Variants in SDCCAG8 observed in about 807,000 individuals in gnomAD.
SDCCAG8 encodes serologically defined colon cancer antigen 8.
Under a neutral mutation model 101.8 loss-of-function variants are expected in SDCCAG8, and 74 were observed. The observed-to-expected ratio is 0.73, with a 90% CI of 0.60 to 0.88. The LOEUF is 0.88. Ranked by LOEUF, SDCCAG8 falls within the 40% of genes least tolerant of loss-of-function variation. SDCCAG8 has a pLI of 0.00. For missense variants in SDCCAG8, 787 were observed against 822.6 expected (o/e 0.96, Z 0.53); for synonymous variants, 281 against 292.9 (o/e 0.96, Z 0.41).
At position 243,270,175 on chromosome 1, in the gene SDCCAG8, T is replaced by C. The variant is rs2149263076; in HGVS notation, c.138T>C (p.Asp46=). The change falls in exon 2 of 18, where the codon GAT becomes GAC. Residue 46 remains aspartate, a synonymous_variant. Transcript: ENST00000366541. ...LKEGDVTIGE[D]APNLSFSTSV... ...AAGGCGATGTCACTATTGGAGAAGA[T>C]GCACCAAATCTTTCTTTTAGCACCA... The C allele has an allele frequency of 6.2e-7, 1 of 1,614,246 alleles. No individual in the cohort carries two copies.
intron 1 of SDCCAG8, chr1:243,267,894 TA>T: frequency 8.8e-7 from 1 of 1,135,128 alleles, no homozygotes; most frequent in Middle Eastern, 2.0e-4. Context: ...GAAAAGTTGA[TA>T]AAGTTGGTAT....
chr1:243,353,327 C>G (rs1285458173), intron 12 of SDCCAG8, among the ~76,000 whole-genome samples: 3 of 151,048 alleles, frequency 2.0e-5, no homozygotes, highest in African/African-American at 4.9e-5. Context: ...CGTGCATCTA[C>G]TAAAAATTCA....
chr1:243,395,047 C>A (rs187946708), intron 13 of SDCCAG8, among the ~76,000 whole-genome samples: 4 of 152,074 alleles, frequency 2.6e-5, no homozygotes, highest in Admixed American at 2.0e-4. Flanking sequence ...CTTTTTCTTG[C>A]GTGTTTATGG....
At chr1:243,325,251 G>A (rs1289970094) in intron 9 of SDCCAG8, among the ~76,000 whole-genome samples, 2 of 152,102 alleles carry the variant, frequency 1.3e-5, no homozygotes, top group Non-Finnish European at 2.9e-5. Context: ...TAATAACTGA[G>A]AGCAAGCAAC....
intron 17 of SDCCAG8, among the ~76,000 whole-genome samples, chr1:243,489,946 G>A (rs975908721): frequency 3.9e-5 from 6 of 152,176 alleles, no homozygotes; most frequent in Admixed American, 1.3e-4. Context: ...GAGAGGCTGT[G>A]CATTTTGCCC....
chr1:243,486,070 G>T (rs1664733485), intron 16 of SDCCAG8, among the ~76,000 whole-genome samples: 1 of 151,578 alleles, frequency 6.6e-6, no homozygotes, highest in African/African-American at 2.4e-5. Flanking sequence ...TGTGGCACAT[G>T]CCTGTAATTC....
intron 4 of SDCCAG8, among the ~76,000 whole-genome samples, chr1:243,279,638 C>T (rs2149275455): frequency 6.6e-6 from 1 of 152,316 alleles, no homozygotes; most frequent in Admixed American, 6.5e-5. Flanking sequence ...TTGTCAAAAG[C>T]TTTTCCTGCC....
intron 1 of SDCCAG8, among the ~76,000 whole-genome samples, chr1:243,264,175 T>A (rs541564817): frequency 6.6e-6 from 1 of 152,256 alleles, no homozygotes; most frequent in South Asian, 2.1e-4. Context: ...AATGAAGAAA[T>A]TAATAATTCA....
intron 16 of SDCCAG8, among the ~76,000 whole-genome samples, chr1:243,435,091 G>A (rs967195871): frequency 6.6e-6 from 1 of 152,178 alleles, no homozygotes; most frequent in East Asian, 1.9e-4. Context: ...TACATCAAAG[G>A]ACACGTAGAC....
intron 16 of SDCCAG8, among the ~76,000 whole-genome samples, chr1:243,430,639 C>T (rs1014162297): frequency 4.0e-5 from 6 of 151,430 alleles, no homozygotes; most frequent in Admixed American, 6.6e-5. Context: ...GGGGTTTCAC[C>T]GTATTGGACA....
chr1:243,281,299 C>CTTT (rs1186617896), intron 4 of SDCCAG8, among the ~76,000 whole-genome samples: 2 of 126,276 alleles, frequency 1.6e-5, no homozygotes, highest in African/African-American at 5.8e-5. Context: ...TTTGAGATTT[C>CTTT]TTTTTTTTTT....
At chr1:243,498,238 G>A (rs371936163) in intron 17 of SDCCAG8, among the ~76,000 whole-genome samples, 9 of 152,204 alleles carry the variant, frequency 5.9e-5, no homozygotes, top group East Asian at 1.9e-4. Flanking sequence ...CAATCAGATC[G>A]TGTTGGTGGC....
intron 11 of SDCCAG8, among the ~76,000 whole-genome samples, chr1:243,343,090 G>A (rs1455567663): frequency 3.9e-5 from 6 of 152,140 alleles, no homozygotes; most frequent in Non-Finnish European, 2.9e-5. Context: ...GCCTCCAGAG[G>A]AACTGGGACT....
At chr1:243,466,383 A>G (rs1213311040) in intron 16 of SDCCAG8, among the ~76,000 whole-genome samples, 1 of 152,196 alleles carries the variant, frequency 6.6e-6, no homozygotes, top group African/African-American at 2.4e-5. Context: ...TTTCCTACTT[A>G]ATGCCTCTGA....
chr1:243,449,283 A>G (rs1170182384), intron 16 of SDCCAG8, among the ~76,000 whole-genome samples: 2 of 152,210 alleles, frequency 1.3e-5, no homozygotes, highest in African/African-American at 4.8e-5. Flanking sequence ...AATGACTCTG[A>G]CTTTACAAAT....
chr1:243,384,938 C>T (rs2078182734), intron 13 of SDCCAG8, among the ~76,000 whole-genome samples: 1 of 152,170 alleles, frequency 6.6e-6, no homozygotes, highest in Non-Finnish European at 1.5e-5. Flanking sequence ...AACAGACTTT[C>T]AGGTACATTT....
intron 16 of SDCCAG8, among the ~76,000 whole-genome samples, chr1:243,488,650 C>A (rs1436908255): frequency 6.6e-6 from 1 of 152,198 alleles, no homozygotes; most frequent in Non-Finnish European, 1.5e-5. Flanking sequence ...CCGGGGCGGC[C>A]GTCTGCTCAG....
chr1:243,471,298 G>A (rs968468534), intron 16 of SDCCAG8, among the ~76,000 whole-genome samples: 7 of 152,196 alleles, frequency 4.6e-5, no homozygotes, highest in African/African-American at 7.2e-5. Flanking sequence ...CAGCCTTGCC[G>A]CTGCTGGAGA....
chr1:243,298,132 TCCAC>T (rs2149305020), intron 6 of SDCCAG8, among the ~76,000 whole-genome samples: 1 of 149,304 alleles, frequency 6.7e-6, no homozygotes, highest in East Asian at 2.0e-4. Context: ...CACTGCAACC[TCCAC>T]CTCCCTGGTT....
Sources: gnomAD v4.1 joint callset for allele counts (sites outside exome capture counted in the v4.1 genomes callset) on GRCh38, gnomAD v4.1.1 for gene constraint, MANE v1.5 for transcripts, NCBI Gene and HGNC (gene_info 2026-07-23, HGNC 2026-07-21) for gene names.